Variants in NPSR1 observed in about 807,000 individuals in gnomAD.
The protein encoded by NPSR1 is neuropeptide S receptor 1, also known as neuropeptide S receptor.
NPSR1 carries 48 observed loss-of-function variants against 46.9 expected under a neutral mutation model. The ratio of observed to expected loss-of-function variants is 1.02; its 90% CI spans 0.81 to 1.30. The LOEUF (loss-of-function observed/expected upper bound fraction) is 1.30. Ranked by LOEUF, NPSR1 falls within the 50% of genes most tolerant of loss-of-function variation. NPSR1 has a pLI of 0.00. For synonymous variants in NPSR1, 176 were observed against 168.1 expected (o/e 1.05, Z -0.36); for missense variants, 450 against 449.5 (o/e 1.00, Z -0.01).
rs544429192 is a variant in NPSR1, at chr7:34,760,517, G to A, written c.281-17945G>A. Among the ~76,000 whole-genome samples the A allele has an allele frequency of 4.6e-5, 7 of 152,314 alleles. No individual in the cohort carries two copies. The South Asian group carries it at 1.0e-3, about 23-fold the overall frequency. On this transcript the variant is annotated intron_variant, in intron 2 of 8. Coordinates refer to ENST00000360581, the MANE Select transcript of NPSR1 (RefSeq NM_207172.2). ...AAAATCCCACAGTCGGGCTCCAGTA[G>A]CCATGCTGTGTACTGCCCATGCATG...
chr7:34,790,753 G>A (rs1455598823), intron 3 of NPSR1, among the ~76,000 whole-genome samples: 3 of 113,624 alleles, frequency 2.6e-5, no homozygotes, highest in African/African-American at 9.8e-5. Context: ...TATAATATAT[G>A]TTATATGTTA....
chr7:34,772,017 G>A (rs1786708978), intron 2 of NPSR1, among the ~76,000 whole-genome samples: 1 of 152,138 alleles, frequency 6.6e-6, no homozygotes, highest in South Asian at 2.1e-4. Flanking sequence ...TTTGCGGTAG[G>A]CACATGAAAC....
chr7:34,838,400 C>A (rs972736520), intron 6 of NPSR1, among the ~76,000 whole-genome samples: 1 of 152,138 alleles, frequency 6.6e-6, no homozygotes, highest in Non-Finnish European at 1.5e-5. Flanking sequence ...GACCTCATCC[C>A]GAAATGAGGG....
At chr7:34,874,000 G>T (rs1791520442) in intron 8 of NPSR1, among the ~76,000 whole-genome samples, 1 of 151,666 alleles carries the variant, frequency 6.6e-6, no homozygotes, top group Non-Finnish European at 1.5e-5. Flanking sequence ...GGGCCATGGT[G>T]AGTTAGAGCT....
intron 2 of NPSR1, among the ~76,000 whole-genome samples, chr7:34,775,084 G>T (rs753930203): frequency 6.6e-6 from 1 of 152,194 alleles, no homozygotes; most frequent in Non-Finnish European, 1.5e-5. Context: ...CCTCCAGAGT[G>T]TATGTGTCCT....
intron 2 of NPSR1, chr7:34,768,578 TAAC>T (rs1350372091): frequency 5.3e-5 from 8 of 152,192 alleles, no homozygotes; most frequent in South Asian, 2.1e-4. Context: ...AAATGTCTGA[TAAC>T]AATAGCACAA....
Position 34,827,573 on chromosome 7 carries a change from G to C in NPSR1, c.651G>C (p.Leu217=), listed in dbSNP as rs777575110. ...CATACATGACCATCGTGGCCTTCCT[G>C]GTGTACTTCATCCCTCTGACAATCA... The part of the protein sequence containing the change: ...WTPYMTIVAF[L]VYFIPLTIIS... The change falls in exon 5 of 9, where the codon CTG becomes CTC. Residue 217 remains leucine (L), a synonymous_variant. Coordinates refer to ENST00000360581, the MANE Select transcript of NPSR1 (RefSeq NM_207172.2). 3 of 1,507,834 alleles carry C rather than the reference G, an allele frequency of 2.0e-6. No homozygotes were observed. In the Admixed American group the frequency reaches 5.4e-5, roughly 27 times the overall value. The allele number at this position is 1,507,834 out of a possible 1,614,324, so 93.4% of individuals were successfully genotyped here. A position where few individuals can be genotyped will look rare whatever the true frequency, so the allele number is the denominator to read the frequency against.
At chr7:34,751,871 G>A in intron 2 of NPSR1, 15 of 1,572,924 alleles carry the variant, frequency 9.5e-6, no homozygotes, top group Non-Finnish European at 1.1e-5. Context: ...ATCCAGAGTG[G>A]GTCTGGTGGA....
chr7:34,733,365 G>A (rs1027764198), intron 2 of NPSR1, among the ~76,000 whole-genome samples: 3 of 149,524 alleles, frequency 2.0e-5, no homozygotes, highest in African/African-American at 7.4e-5. Flanking sequence ...GTTGCAGTGA[G>A]CCACGATCAC....
Position 34,734,936 on chromosome 7 carries a change from A to T in NPSR1, c.281-43526A>T, listed in dbSNP as rs75053015. ...GCCCTCTTGGCTGTACTTTTTTCTG[A>T]GATGGTGTTATGCAATCTCCCCACA... On this transcript the variant is annotated intron_variant, in intron 2 of 8. Coordinates refer to ENST00000360581, the MANE Select transcript of NPSR1 (RefSeq NM_207172.2). 2.8e-3 allele frequency among the ~76,000 whole-genome samples: 423 copies of T among 152,188 alleles called. 2 individuals are homozygous for T. The highest frequency in any genetic ancestry group is 9.8e-3 in the African/African-American group (405 of 41,526).
intron 6 of NPSR1, among the ~76,000 whole-genome samples, chr7:34,835,744 G>T (rs1790335080): frequency 6.6e-6 from 1 of 152,166 alleles, no homozygotes; most frequent in African/African-American, 2.4e-5. Context: ...GTGGTACAGG[G>T]ACTGGAAATG....
At chr7:34,708,990 C>A (rs972100503) in intron 2 of NPSR1, among the ~76,000 whole-genome samples, 3 of 152,042 alleles carry the variant, frequency 2.0e-5, no homozygotes, top group African/African-American at 7.2e-5. Context: ...AAGTGGCCTC[C>A]CCAGGGTCTT....
At chr7:34,746,465 T>G (rs1395424557) in intron 2 of NPSR1, among the ~76,000 whole-genome samples, 1 of 152,218 alleles carries the variant, frequency 6.6e-6, no homozygotes. Flanking sequence ...GTTATGTATG[T>G]ATGTATAAAA....
chr7:34,774,391 C>G (rs966759001), intron 2 of NPSR1, among the ~76,000 whole-genome samples: 1 of 152,164 alleles, frequency 6.6e-6, no homozygotes, highest in Non-Finnish European at 1.5e-5. Context: ...AGTCTAGTCC[C>G]ATATGGGTTT....
At chr7:34,673,100 A>T (rs921613717) in intron 1 of NPSR1, among the ~76,000 whole-genome samples, 3 of 152,086 alleles carry the variant, frequency 2.0e-5, no homozygotes, top group African/African-American at 7.2e-5. Context: ...CAGCTCACAT[A>T]ACAGTCTCTC....
intron 2 of NPSR1, among the ~76,000 whole-genome samples, chr7:34,749,192 G>A (rs1785376187): frequency 6.6e-6 from 1 of 152,144 alleles, no homozygotes. Context: ...TCAGTTTGAT[G>A]TTGTACCCCA....
At chr7:34,824,017 G>A (rs1362768588) in intron 4 of NPSR1, among the ~76,000 whole-genome samples, 1 of 152,108 alleles carries the variant, frequency 6.6e-6, no homozygotes, top group African/African-American at 2.4e-5. Flanking sequence ...ACTTGTACAA[G>A]TTCATATTTC....
intron 3 of NPSR1, among the ~76,000 whole-genome samples, chr7:34,788,507 G>A (rs1787572321): frequency 6.6e-6 from 1 of 151,958 alleles, no homozygotes; most frequent in Admixed American, 6.6e-5. Flanking sequence ...TAGATGAGGG[G>A]TTGCTACATT....
intron 5 of NPSR1, among the ~76,000 whole-genome samples, chr7:34,832,148 G>A (rs1790150077): frequency 6.6e-6 from 1 of 152,196 alleles, no homozygotes; most frequent in Admixed American, 6.5e-5. Context: ...CTGAAAACCT[G>A]GATGGAGAGG....
Sources: gnomAD v4.1 joint callset for allele counts (sites outside exome capture counted in the v4.1 genomes callset) on GRCh38, gnomAD v4.1.1 for gene constraint, MANE v1.5 for transcripts, NCBI Gene and HGNC (gene_info 2026-07-23, HGNC 2026-07-21) for gene names.